BDH1: variants seen among roughly 807,000 people sequenced by gnomAD.
BDH1 encodes the protein 3-hydroxybutyrate dehydrogenase 1.
In BDH1, 30 loss-of-function variants were observed where a neutral mutation model predicts 33.1. That is an observed-to-expected ratio of 0.91 (90% CI 0.68 to 1.23). BDH1 has a LOEUF of 1.23. Among genes scored for constraint, BDH1 ranks in the 50% most tolerant of loss-of-function variants. The probability of loss-of-function intolerance (pLI) is 0.00; values close to 1 mark genes in which losing one functional copy is unlikely to be tolerated. For missense variants in BDH1, 443 were observed against 464.4 expected (o/e 0.95, Z 0.42); for synonymous variants, 190 against 183.6 (o/e 1.03, Z -0.28).
chr3:197,525,858 A>G lies in BDH1; in HGVS notation c.268-3077T>C, dbSNP rs943786025. On this transcript the variant is annotated intron_variant, in intron 5 of 7. Transcript: ENST00000392379. This position sits in a 1 kb window ranked among gnomAD's most constrained non-coding sequence, Gnocchi z 4.9. ...CCCAGGGTTTCTGTGCTCCCTCTGC[A>G]GGTCTCCGTGCTCCCTCTGCAGGTC... 1.3e-5 allele frequency among the ~76,000 whole-genome samples: 2 copies of G among 151,816 alleles called. No homozygotes were observed. The highest frequency in any genetic ancestry group is 4.8e-5 in the African/African-American group (2 of 41,332).
intron 3 of BDH1, among the ~76,000 whole-genome samples, chr3:197,539,169 A>G (rs1715395122): frequency 6.6e-6 from 1 of 151,996 alleles, no homozygotes; most frequent in African/African-American, 2.4e-5. Context: ...TTTTTTTGAG[A>G]TAAAGTTCCA....
At position 197,511,769 on chromosome 3, in the gene BDH1, A is replaced by G. The variant is rs1398442347; in HGVS notation, c.*126T>C. ...GTCATTCCCTCTAGTTAGTGTTAAAACCAGTTATGGGTCTTCCTGGCATGG... is the reference window on the plus strand; with the variant it reads ...GTCATTCCCTCTAGTTAGTGTTAAAGCCAGTTATGGGTCTTCCTGGCATGG... On this transcript the variant is annotated 3_prime_UTR_variant, in exon 8 of 8. Coordinates refer to ENST00000392379, the MANE Select transcript of BDH1 (RefSeq NM_203314.3). The G allele has an allele frequency of 1.0e-6, 1 of 961,574 alleles. No individual in the cohort carries two copies. Among genetic ancestry groups the G allele is most frequent in the African/African-American group, 1.7e-5 (1 of 60,448 alleles). The allele number at this position is 961,574 out of a possible 1,614,324, so 59.6% of individuals were successfully genotyped here. A position where few individuals can be genotyped will look rare whatever the true frequency, so the allele number is the denominator to read the frequency against.
intron 5 of BDH1, among the ~76,000 whole-genome samples, chr3:197,524,444 C>T (rs4857505): frequency 0.23 from 34,419 of 152,158 alleles, 4,386 homozygotes; most frequent in African/African-American, 0.35. Context: ...ACCCCAACCC[C>T]GGGAATGGAG....
Position 197,522,929 on chromosome 3 carries a change from A to C in BDH1, c.268-148T>G, listed in dbSNP as rs750526733. The C allele has an allele frequency of 3.8e-5, 32 of 849,558 alleles. No homozygotes were observed. Among genetic ancestry groups the C allele is most frequent in the Non-Finnish European group, 5.5e-5 (31 of 559,158 alleles). The allele number at this position is 849,558 out of a possible 1,614,324, so 52.6% of individuals were successfully genotyped here. A position where few individuals can be genotyped will look rare whatever the true frequency, so the allele number is the denominator to read the frequency against. ...CTGCCCATGGGCCTGGCCCACCAGC[A>C]TGCGGTTCTTTTTAATCCTGAGCAC... is the stretch of plus-strand genomic sequence containing the variant. On this transcript the variant is annotated intron_variant, in intron 5 of 7. Transcript: ENST00000392379. This position sits in a 1 kb window ranked among gnomAD's most constrained non-coding sequence, Gnocchi z 4.8.
intron 2 of BDH1, among the ~76,000 whole-genome samples, chr3:197,547,859 C>T (rs1238239242): frequency 6.7e-6 from 1 of 149,540 alleles, no homozygotes; most frequent in Admixed American, 6.6e-5. Flanking sequence ...GCTCTGCCCT[C>T]ATCCTGGATG....
intron 2 of BDH1, among the ~76,000 whole-genome samples, chr3:197,553,790 G>T (rs1157774374): frequency 6.6e-6 from 1 of 152,182 alleles, no homozygotes; most frequent in Non-Finnish European, 1.5e-5. Flanking sequence ...GAACTGATTA[G>T]AATTGGTAAG....
chr3:197,555,346 C>T lies in BDH1; in HGVS notation c.-196+435G>A, dbSNP rs150958362. 7.7e-3 allele frequency: 1,174 copies of T among 152,518 alleles called. 21 individuals are homozygous for T. Among genetic ancestry groups the T allele is most frequent in the African/African-American group, 0.027 (1,121 of 41,572 alleles). The allele number at this position is 152,518 out of a possible 1,614,324, so 9.4% of individuals were successfully genotyped here. A position where few individuals can be genotyped will look rare whatever the true frequency, so the allele number is the denominator to read the frequency against. ...CGGGGCTAGAAGGCAGGACACCTGGCTTCGGTCTGGGCTCGGCCTTTGACT... is the reference window on the plus strand; with the variant it reads ...CGGGGCTAGAAGGCAGGACACCTGGTTTCGGTCTGGGCTCGGCCTTTGACT... On this transcript the variant is annotated intron_variant, in intron 1 of 7. Transcript: ENST00000392379.
rs952068896 is a variant in BDH1, at chr3:197,514,321, G to A, written c.505C>T (p.Leu169Phe). Residue 169 changes from leucine (L) to phenylalanine (F), a missense_variant, in exon 7 of 8, where the codon CTT becomes TTT. Physicochemically the swap from Leu to Phe is conservative, Grantham distance 22 (BLOSUM62 0). Coordinates refer to ENST00000392379, the MANE Select transcript of BDH1 (RefSeq NM_203314.3). This position sits in a 1 kb window ranked among gnomAD's most constrained non-coding sequence, Gnocchi z 4.2. Reference protein sequence around the residue: ...ETYKQVAEVNLWGTVRMTKSF... With the variant: ...ETYKQVAEVNFWGTVRMTKSF... ...TTCGTCATCCGCACTGTGCCCCAAA[G>A]GTTCACTTCTGCCACCTGCTTGTAG... 1.2e-6 allele frequency: 2 copies of A among 1,613,848 alleles called. No homozygotes were observed. The highest frequency in any genetic ancestry group is 1.7e-5 in the Admixed American group (1 of 59,968).
chr3:197,554,838 G>A lies in BDH1; in HGVS notation c.-195-125C>T, dbSNP rs1333905447. 1 of 152,292 alleles carries A rather than the reference G, an allele frequency of 6.6e-6. No individual in the cohort carries two copies. Among genetic ancestry groups the A allele is most frequent in the Non-Finnish European group, 1.5e-5 (1 of 68,084 alleles). 9.4% of individuals were successfully genotyped at this position (152,292 alleles called of 1,614,324 possible). On this transcript the variant is annotated intron_variant, in intron 1 of 7. Coordinates refer to ENST00000392379, the MANE Select transcript of BDH1 (RefSeq NM_203314.3). The surrounding 1 kb of genome is among the most constrained non-coding windows in gnomAD (Gnocchi z 4.4). ...ACGCCCAAGGCGCCTGGGCCGCTAG[G>A]GACCGACCGGAGCGCTCAAACCCAC...
Position 197,510,338 on chromosome 3 carries a change from C to T in BDH1, c.*1557G>A, listed in dbSNP as rs926199278. 1 of 152,320 alleles carries T rather than the reference C, an allele frequency of 6.6e-6. No individual in the cohort carries two copies. The highest frequency in any genetic ancestry group is 2.4e-5 in the African/African-American group (1 of 41,456). The allele number at this position is 152,320 out of a possible 1,614,324, so 9.4% of individuals were successfully genotyped here. A position where few individuals can be genotyped will look rare whatever the true frequency, so the allele number is the denominator to read the frequency against. The stretch of plus-strand genomic sequence containing the variant: ...GAGCGCCCTCTAGCGGCAGGTCCGC[C>T]CAGGGAGAGGCGGAAACGCGGAGTC... On this transcript the variant is annotated 3_prime_UTR_variant, in exon 8 of 8. Coordinates refer to ENST00000392379, the MANE Select transcript of BDH1 (RefSeq NM_203314.3).
chr3:197,527,708 C>A (rs556745723), intron 5 of BDH1, among the ~76,000 whole-genome samples: 10 of 152,252 alleles, frequency 6.6e-5, no homozygotes, highest in Middle Eastern at 3.4e-3. Context: ...TCCTGGAGCT[C>A]TGTACTGCAC....
upstream of BDH1, among the ~76,000 whole-genome samples, chr3:197,560,408 C>A (rs1005347159): frequency 5.8e-4 from 88 of 152,316 alleles, no homozygotes; most frequent in African/African-American, 1.4e-3. Flanking sequence ...AAGTTACTTT[C>A]TCCTTCCTTT....
intron 7 of BDH1, 94 bp from the exon 8 acceptor site, chr3:197,512,458 C>T: frequency 7.5e-7 from 1 of 1,327,552 alleles, no homozygotes; most frequent in Non-Finnish European, 1.0e-6. Flanking sequence ...TGGCTGGAAC[C>T]ACTTCTGAGC....
At chr3:197,519,216 G>A (rs1438556293) in intron 6 of BDH1, among the ~76,000 whole-genome samples, 14 of 151,970 alleles carry the variant, frequency 9.2e-5, no homozygotes, top group Admixed American at 4.6e-4. Context: ...GTCAGCCTGC[G>A]AGCAGCTTGT....
intron 6 of BDH1, among the ~76,000 whole-genome samples, chr3:197,519,663 C>CA (rs1205900760): frequency 2.0e-5 from 3 of 151,728 alleles, no homozygotes; most frequent in Admixed American, 6.6e-5. Flanking sequence ...GACTCTGTCT[C>CA]AAAAAAATTA....
In BDH1 at chr3:197,510,592, G is replaced by A. The variant is rs2686069; in HGVS notation, c.*1303C>T. On this transcript the variant is annotated 3_prime_UTR_variant, in exon 8 of 8. Coordinates refer to ENST00000392379, the MANE Select transcript of BDH1 (RefSeq NM_203314.3). ...ATGAAGGCCACGCTGAAGCCCTGCAGAACAGGGGTGTGTGTGTGTGTGTGT... is the reference window on the plus strand; with the variant it reads ...ATGAAGGCCACGCTGAAGCCCTGCAAAACAGGGGTGTGTGTGTGTGTGTGT... 2.1e-5 allele frequency: 3 copies of A among 144,748 alleles called. No individual in the cohort carries two copies. Among genetic ancestry groups the A allele is most frequent in the African/African-American group, 8.4e-5 (3 of 35,906 alleles). The allele number at this position is 144,748 out of a possible 1,614,324, so 9.0% of individuals were successfully genotyped here. A position where few individuals can be genotyped will look rare whatever the true frequency, so the allele number is the denominator to read the frequency against.
intron 2 of BDH1, among the ~76,000 whole-genome samples, chr3:197,553,486 G>A (rs1311034953): frequency 1.4e-5 from 2 of 143,970 alleles, no homozygotes; most frequent in Non-Finnish European, 3.0e-5. Flanking sequence ...CCGAGATCAC[G>A]CCACTGCACT....
intron 1 of BDH1, among the ~76,000 whole-genome samples, chr3:197,570,617 C>A (rs1717576592): frequency 6.6e-6 from 1 of 152,224 alleles, no homozygotes; most frequent in Non-Finnish European, 1.5e-5. Context: ...TCAGAGGGTG[C>A]AAACTCTAAG....
chr3:197,565,416 A>G (rs1162296980), intron 1 of BDH1, among the ~76,000 whole-genome samples: 1 of 152,158 alleles, frequency 6.6e-6, no homozygotes, highest in Non-Finnish European at 1.5e-5. Context: ...CAAATTATAA[A>G]TTATGTCTTT....
Sources: gnomAD v4.1 joint callset for allele counts (sites outside exome capture counted in the v4.1 genomes callset) on GRCh38, gnomAD v4.1.1 for gene constraint, Gnocchi (gnomAD v3.1) non-coding constraint, MANE v1.5 for transcripts, NCBI Gene and HGNC (gene_info 2026-07-23, HGNC 2026-07-21) for gene names.